The following RUNDC3B variants were observed in gnomAD, a reference collection of about 807,000 sequenced individuals.
RUNDC3B encodes RUN domain containing 3B.
In RUNDC3B, 33 loss-of-function variants were observed where a neutral mutation model predicts 58.4. The ratio of observed to expected loss-of-function variants is 0.56; its 90% CI spans 0.43 to 0.75. The LOEUF is 0.75. RUNDC3B is among the 30% of genes least tolerant of loss of function. The pLI, the probability that RUNDC3B is intolerant of heterozygous loss-of-function variation, is 0.00. For missense variants in RUNDC3B, 501 were observed against 535.7 expected, an observed-to-expected ratio of 0.94 and a Z score of 0.64; for synonymous variants, 193 against 195.2, an observed-to-expected ratio of 0.99 and a Z score of 0.10.
chr7:87,809,445 A>G (rs1836595909), intron 9 of RUNDC3B, among the ~76,000 whole-genome samples: 1 of 152,172 alleles, frequency 6.6e-6, no homozygotes, highest in African/African-American at 2.4e-5. Flanking sequence ...AATGTGTAAC[A>G]CTGAGCAATA....
At chr7:87,631,704 T>G (rs954133059) in intron 1 of RUNDC3B, among the ~76,000 whole-genome samples, 1 of 152,228 alleles carries the variant, frequency 6.6e-6, no homozygotes, top group Admixed American at 6.5e-5. Flanking sequence ...CTCTTTATTT[T>G]TATATCTCAA....
intron 2 of RUNDC3B, among the ~76,000 whole-genome samples, chr7:87,687,598 G>A (rs1340126202): frequency 6.6e-6 from 1 of 152,152 alleles, no homozygotes; most frequent in African/African-American, 2.4e-5. Context: ...CTAGAGCAGT[G>A]CCTACGATAT....
intron 2 of RUNDC3B, among the ~76,000 whole-genome samples, chr7:87,658,614 G>T (rs1260934368): frequency 6.6e-6 from 1 of 152,024 alleles, no homozygotes; most frequent in Non-Finnish European, 1.5e-5. Flanking sequence ...TAAAGACAAA[G>T]AAAAAATGTT....
At chr7:87,688,397 T>A (rs1827684863) in intron 2 of RUNDC3B, among the ~76,000 whole-genome samples, 1 of 151,930 alleles carries the variant, frequency 6.6e-6, no homozygotes, top group Non-Finnish European at 1.5e-5. Flanking sequence ...TATATACACA[T>A]AATCTTATGT....
At chr7:87,670,782 G>A (rs897279656) in intron 2 of RUNDC3B, among the ~76,000 whole-genome samples, 19 of 152,332 alleles carry the variant, frequency 1.2e-4, no homozygotes, top group African/African-American at 4.3e-4. Flanking sequence ...GTGTGATCCA[G>A]CAGGTGGCTT....
At chr7:87,658,295 A>C (rs1387920887) in intron 2 of RUNDC3B, among the ~76,000 whole-genome samples, 1 of 152,228 alleles carries the variant, frequency 6.6e-6, no homozygotes, top group African/African-American at 2.4e-5. Flanking sequence ...TGGGAGTTAC[A>C]GTGGAAAGAA....
chr7:87,661,709 A>C (rs988774858), intron 2 of RUNDC3B, among the ~76,000 whole-genome samples: 6 of 152,036 alleles, frequency 3.9e-5, no homozygotes, highest in African/African-American at 1.2e-4. Flanking sequence ...GCTGCAATAA[A>C]CATTGGAGTG....
At chr7:87,667,541 G>C (rs1825386679) in intron 2 of RUNDC3B, among the ~76,000 whole-genome samples, 1 of 152,208 alleles carries the variant, frequency 6.6e-6, no homozygotes, top group South Asian at 2.1e-4. Context: ...AATAGTAGTG[G>C]TGAGAGAGGG....
At chr7:87,754,821 C>T (rs1251931710) in intron 6 of RUNDC3B, among the ~76,000 whole-genome samples, 1 of 151,384 alleles carries the variant, frequency 6.6e-6, no homozygotes, top group African/African-American at 2.4e-5. Context: ...AGAAAACCTA[C>T]AGGAGATAGA....
chr7:87,786,064 G>C (rs572184830), intron 8 of RUNDC3B, among the ~76,000 whole-genome samples: 1 of 152,200 alleles, frequency 6.6e-6, no homozygotes, highest in South Asian at 2.1e-4. Context: ...TCAACTTTCA[G>C]TGTTTTCTCT....
intron 6 of RUNDC3B, among the ~76,000 whole-genome samples, chr7:87,756,309 A>G (rs1197153447): frequency 1.3e-5 from 2 of 152,010 alleles, no homozygotes; most frequent in Non-Finnish European, 1.5e-5. Flanking sequence ...TATTCATAGA[A>G]AGTCCTGTTA....
rs1052044790 is a variant in RUNDC3B, at chr7:87,709,356, C to T, written c.373-1214C>T. 18 of 985,170 alleles carry T rather than the reference C, an allele frequency of 1.8e-5. No individual in the cohort carries two copies. In the South Asian group the frequency reaches 5.6e-4, roughly 31 times the overall value. The allele number at this position is 985,170 out of a possible 1,614,324, so 61.0% of individuals were successfully genotyped here. On this transcript the variant is annotated intron_variant, in intron 3 of 10. Coordinates refer to ENST00000394654, the MANE Select transcript of RUNDC3B (RefSeq NM_001134405.2). ...TTTCTGTGTCTTTTAGATGAAATTT[C>T]AAGAGAGAATTTTGAGACTACTGGC...
At chr7:87,743,998 A>G (rs572670768) in intron 6 of RUNDC3B, among the ~76,000 whole-genome samples, 7 of 152,248 alleles carry the variant, frequency 4.6e-5, no homozygotes, top group Non-Finnish European at 4.4e-5. Flanking sequence ...ATAAGGTGAG[A>G]GATGAGGATC....
chr7:87,747,399 A>G (rs1287672105), intron 6 of RUNDC3B, among the ~76,000 whole-genome samples: 1 of 152,096 alleles, frequency 6.6e-6, no homozygotes, highest in East Asian at 1.9e-4. Context: ...AGGGGTTGCA[A>G]TGGACTCTGT....
At chr7:87,822,016 GCAA>G (rs1427710058) in intron 10 of RUNDC3B, among the ~76,000 whole-genome samples, 1 of 151,690 alleles carries the variant, frequency 6.6e-6, no homozygotes, top group Non-Finnish European at 1.5e-5. Flanking sequence ...AAAAGCAATG[GCAA>G]CAAAAGCCAA....
chr7:87,808,797 A>T (rs1011804802), intron 9 of RUNDC3B, among the ~76,000 whole-genome samples: 1 of 152,108 alleles, frequency 6.6e-6, no homozygotes, highest in Non-Finnish European at 1.5e-5. Context: ...TTAATGAAGA[A>T]TTTATTTTAT....
intron 2 of RUNDC3B, among the ~76,000 whole-genome samples, chr7:87,690,601 G>A (rs1827918367): frequency 6.6e-6 from 1 of 152,118 alleles, no homozygotes; most frequent in Non-Finnish European, 1.5e-5. Context: ...ATAAAAGATA[G>A]TCTCATTGTT....
chr7:87,637,172 A>G (rs1424231753), intron 1 of RUNDC3B, among the ~76,000 whole-genome samples: 1 of 152,214 alleles, frequency 6.6e-6, no homozygotes, highest in Non-Finnish European at 1.5e-5. Flanking sequence ...GTGGGGACAC[A>G]GCCAAACTAT....
intron 8 of RUNDC3B, among the ~76,000 whole-genome samples, chr7:87,800,314 C>A (rs774135264): frequency 6.6e-6 from 1 of 152,058 alleles, no homozygotes; most frequent in Non-Finnish European, 1.5e-5. Context: ...TTTGAATTGG[C>A]GAAGTATTAC....
Sources: allele counts gnomAD v4.1 joint callset (sites outside exome capture counted in the v4.1 genomes callset), GRCh38; gene constraint gnomAD v4.1.1; transcripts MANE v1.5; gene names NCBI Gene and HGNC (gene_info 2026-07-23, HGNC 2026-07-21).